The following ZMYM2 variants were observed in gnomAD, a reference collection of about 807,000 sequenced individuals.
ZMYM2 encodes zinc finger MYM-type protein 2.
ZMYM2 carries 56 observed loss-of-function variants against 162.8 expected under a neutral mutation model. The ratio of observed to expected loss-of-function variants is 0.34; its 90% CI spans 0.28 to 0.43. The LOEUF is 0.43. ZMYM2 is among the 20% of genes least tolerant of loss of function. The probability of loss-of-function intolerance (pLI) is 1.00; values close to 1 mark genes in which losing one functional copy is unlikely to be tolerated. For synonymous variants in ZMYM2, 510 were observed against 541.6 expected (o/e 0.94, Z 0.81); for missense variants, 1,275 against 1,621.8 (o/e 0.79, Z 3.67).
At chr13:20,010,706 T>A (rs1005825758) in intron 6 of ZMYM2, among the ~76,000 whole-genome samples, 15 of 152,174 alleles carry the variant, frequency 9.9e-5, no homozygotes, top group Non-Finnish European at 1.5e-4. Flanking sequence ...AGCAGCGAGA[T>A]CTTGGCTCAC....
intron 6 of ZMYM2, among the ~76,000 whole-genome samples, chr13:20,008,876 A>C (rs1354278293): frequency 1.3e-5 from 2 of 152,202 alleles, no homozygotes; most frequent in African/African-American, 4.8e-5. Context: ...AAAACCTGGA[A>C]AAAGAAAAAT....
At chr13:19,890,005 TACAC>T in the ZMYM2 span, among the ~76,000 whole-genome samples, 12 of 152,016 alleles carry the variant, frequency 7.9e-5, no homozygotes, top group African/African-American at 2.4e-4. Flanking sequence ...AGATTGGAAA[TACAC>T]ACAGGACTAC....
chr13:20,052,128 T>C (rs1036567618), intron 13 of ZMYM2, 149 bp from the exon 14 acceptor site: 2 of 649,696 alleles, frequency 3.1e-6, no homozygotes, highest in African/African-American at 1.8e-5. Flanking sequence ...TTCTATACTT[T>C]ATACAAATTT....
the ZMYM2 span, among the ~76,000 whole-genome samples, chr13:19,884,244 T>G: frequency 6.6e-6 from 1 of 152,002 alleles, no homozygotes; most frequent in Non-Finnish European, 1.5e-5. Flanking sequence ...TAGGGTTGTG[T>G]CCAGTATTTA....
the ZMYM2 span, among the ~76,000 whole-genome samples, chr13:19,951,345 C>T: frequency 6.6e-6 from 1 of 151,822 alleles, no homozygotes; most frequent in African/African-American, 2.4e-5. Flanking sequence ...AGGTTACTAT[C>T]CACAATAGGA....
chr13:19,978,475 G>C (rs1265182505), intron 2 of ZMYM2, among the ~76,000 whole-genome samples: 2 of 151,918 alleles, frequency 1.3e-5, no homozygotes, highest in African/African-American at 4.8e-5. Flanking sequence ...GGAGGGCAAT[G>C]GTGCAATCTT....
At chr13:19,995,929 T>C (rs1357682721) in intron 3 of ZMYM2, among the ~76,000 whole-genome samples, 2 of 152,100 alleles carry the variant, frequency 1.3e-5, no homozygotes, top group Non-Finnish European at 2.9e-5. Flanking sequence ...AGGCAGAGGT[T>C]GCAGTGAGCC....
chr13:20,057,593 G>A (rs924167288), intron 14 of ZMYM2, among the ~76,000 whole-genome samples: 6 of 152,212 alleles, frequency 3.9e-5, no homozygotes, highest in African/African-American at 1.4e-4. Context: ...TGTGCTGTGT[G>A]AGTGCTGTAC....
intron 3 of ZMYM2, among the ~76,000 whole-genome samples, chr13:19,995,932 A>T (rs1348676208): frequency 6.6e-6 from 1 of 152,144 alleles, no homozygotes; most frequent in African/African-American, 2.4e-5. Context: ...CAGAGGTTGC[A>T]GTGAGCCAGG....
At chr13:20,050,002 G>A (rs987512688) in intron 12 of ZMYM2, among the ~76,000 whole-genome samples, 2 of 152,076 alleles carry the variant, frequency 1.3e-5, no homozygotes, top group Non-Finnish European at 2.9e-5. Flanking sequence ...AGTCTCGCTG[G>A]TGAGAATTTA....
intron 24 of ZMYM2, among the ~76,000 whole-genome samples, chr13:20,083,996 A>G (rs141905476): frequency 7.7e-4 from 118 of 152,278 alleles, no homozygotes; most frequent in Middle Eastern, 3.4e-3. Context: ...TCTCTCTACT[A>G]ATGAAATTTC....
chr13:20,006,130 G>A (rs1007563167), intron 5 of ZMYM2, among the ~76,000 whole-genome samples: 4 of 152,090 alleles, frequency 2.6e-5, no homozygotes, highest in Middle Eastern at 3.4e-3. Context: ...CTACTCGGGA[G>A]GCTGAGGTAG....
chr13:20,051,504 A>G lies in ZMYM2; in HGVS notation c.2364A>G (p.Lys788=), dbSNP rs1259446203. 2.5e-6 allele frequency: 4 copies of G among 1,613,618 alleles called. No individual in the cohort carries two copies. Among genetic ancestry groups the G allele is most frequent in the Non-Finnish European group, 3.4e-6 (4 of 1,179,660 alleles). The change falls in exon 13 of 25, where the codon AAA becomes AAG. Residue 788 remains lysine, a synonymous_variant. Coordinates refer to ENST00000610343, the MANE Select transcript of ZMYM2 (RefSeq NM_197968.4). ...KERVQWRGEM[K]HFCDQHCLLR... ...GAGTTCAGTGGCGTGGGGAAATGAAACATTTCTGTGATCAACATTGCTTAC... is the reference window on the plus strand; with the variant it reads ...GAGTTCAGTGGCGTGGGGAAATGAAGCATTTCTGTGATCAACATTGCTTAC...
intron 2 of ZMYM2, among the ~76,000 whole-genome samples, chr13:19,960,707 T>A (rs1034047864): frequency 6.6e-6 from 1 of 152,216 alleles, no homozygotes; most frequent in Non-Finnish European, 1.5e-5. Flanking sequence ...ATTATTTAAT[T>A]TGTTGGTTTT....
At chr13:20,021,373 T>G (rs1952087513) in intron 7 of ZMYM2, among the ~76,000 whole-genome samples, 1 of 151,666 alleles carries the variant, frequency 6.6e-6, no homozygotes, top group African/African-American at 2.4e-5. Flanking sequence ...CCTGCTTTTT[T>G]TTTTTTTTTT....
At chr13:19,948,719 T>C in the ZMYM2 span, among the ~76,000 whole-genome samples, 2 of 152,170 alleles carry the variant, frequency 1.3e-5, no homozygotes, top group Non-Finnish European at 2.9e-5. Flanking sequence ...GGTTCGTAAG[T>C]TGTAACAAAA....
chr13:19,993,022 T>C, intron 2 of ZMYM2, 41 bp from the exon 3 acceptor site: 1 of 1,527,240 alleles, frequency 6.5e-7, no homozygotes, highest in Non-Finnish European at 8.8e-7. Context: ...ACATAAAAAG[T>C]CATACTGACA....
chr13:20,036,341 ATC>A (rs1953702375), intron 11 of ZMYM2, among the ~76,000 whole-genome samples: 1 of 152,044 alleles, frequency 6.6e-6, no homozygotes, highest in African/African-American at 2.4e-5. Context: ...TAAGTTGAAT[ATC>A]TCTATAAATT....
At chr13:19,956,452 T>C (rs1412777221), upstream of ZMYM2, among the ~76,000 whole-genome samples, 1 of 152,218 alleles carries the variant, frequency 6.6e-6, no homozygotes, top group Non-Finnish European at 1.5e-5. Flanking sequence ...TTCAAACATT[T>C]ATTTTTAAAA....
Sources: allele counts gnomAD v4.1 joint callset (sites outside exome capture counted in the v4.1 genomes callset), GRCh38; gene constraint gnomAD v4.1.1; transcripts MANE v1.5; gene names NCBI Gene and HGNC (gene_info 2026-07-23, HGNC 2026-07-21).